Variants in SORCS3 observed in about 807,000 individuals in gnomAD.
The protein encoded by SORCS3 is VPS10 domain-containing receptor SorCS3.
In SORCS3, 57 loss-of-function variants were observed where a neutral mutation model predicts 146.3. The ratio of observed to expected loss-of-function variants is 0.39; its 90% CI spans 0.31 to 0.49. The LOEUF (loss-of-function observed/expected upper bound fraction) is 0.49, where lower values mean the gene tolerates loss of function less well. Among genes scored for constraint, SORCS3 ranks in the 20% least tolerant of loss-of-function variants. The pLI, the probability that SORCS3 is intolerant of heterozygous loss-of-function variation, is 0.92. For synonymous variants in SORCS3, 653 were observed against 618.5 expected, an observed-to-expected ratio of 1.06 and a Z score of -0.83; for missense variants, 1,341 against 1,575.5, an observed-to-expected ratio of 0.85 and a Z score of 2.52.
At chr10:104,848,884 C>T (rs1360661105) in intron 2 of SORCS3, among the ~76,000 whole-genome samples, 1 of 152,208 alleles carries the variant, frequency 6.6e-6, no homozygotes, top group Non-Finnish European at 1.5e-5. Flanking sequence ...TGGGAAACAA[C>T]AGCAGGCATA....
At chr10:105,044,693 T>G (rs990808798) in intron 5 of SORCS3, among the ~76,000 whole-genome samples, 6 of 151,956 alleles carry the variant, frequency 3.9e-5, no homozygotes, top group South Asian at 2.1e-4. Context: ...ACTGTTTTTT[T>G]TTTTGTTTTG....
intron 2 of SORCS3, among the ~76,000 whole-genome samples, chr10:104,908,002 CT>C (rs1337275728): frequency 6.6e-6 from 1 of 152,244 alleles, no homozygotes; most frequent in Non-Finnish European, 1.5e-5. Context: ...AACATTAATG[CT>C]TTTCCATCAC....
At chr10:105,070,978 T>C (rs1301185430) in intron 5 of SORCS3, among the ~76,000 whole-genome samples, 1 of 151,808 alleles carries the variant, frequency 6.6e-6, no homozygotes, top group Non-Finnish European at 1.5e-5. Flanking sequence ...GAAGCAAGTA[T>C]CCTGCTAGGG....
chr10:105,132,799 C>T (rs1431629201), intron 7 of SORCS3, among the ~76,000 whole-genome samples: 1 of 152,116 alleles, frequency 6.6e-6, no homozygotes, highest in Non-Finnish European at 1.5e-5. Flanking sequence ...AAAGACCCAG[C>T]TAATTCTGTG....
intron 9 of SORCS3, among the ~76,000 whole-genome samples, chr10:105,150,178 T>A (rs2864040): frequency 6.6e-6 from 1 of 152,010 alleles, no homozygotes; most frequent in Middle Eastern, 3.4e-3. Flanking sequence ...ATTTACCTGG[T>A]CAATGCTGGA....
intron 1 of SORCS3, among the ~76,000 whole-genome samples, chr10:104,809,589 A>C (rs747978949): frequency 1.3e-5 from 2 of 152,232 alleles, no homozygotes; most frequent in African/African-American, 4.8e-5. Flanking sequence ...TTGAAGCTCA[A>C]GTTACAACAG....
rs556120037 is a variant in SORCS3, at chr10:104,642,939, C to T, written c.627+985C>T. ...CCTGCCTGGCAGCTGCAGCGGCCCGCAGCGCGTGCCCGGAGGGGCTCCCCC... is the reference window on the plus strand; with the variant it reads ...CCTGCCTGGCAGCTGCAGCGGCCCGTAGCGCGTGCCCGGAGGGGCTCCCCC... On this transcript the variant is annotated intron_variant, in intron 1 of 26. Transcript: ENST00000369701. 6.6e-4 allele frequency among the ~76,000 whole-genome samples: 101 copies of T among 152,312 alleles called. 1 individual carries two copies. Among genetic ancestry groups the T allele is most frequent in the African/African-American group, 2.3e-3 (96 of 41,582 alleles).
intron 17 of SORCS3, among the ~76,000 whole-genome samples, chr10:105,211,583 A>C (rs573857177): frequency 6.6e-6 from 1 of 152,178 alleles, no homozygotes; most frequent in Admixed American, 6.5e-5. Flanking sequence ...TGATGTGCAG[A>C]TATTACACTA....
chr10:104,770,015 G>A (rs1469305167), intron 1 of SORCS3, among the ~76,000 whole-genome samples: 1 of 152,132 alleles, frequency 6.6e-6, no homozygotes, highest in Non-Finnish European at 1.5e-5. Flanking sequence ...GGGTATTCAT[G>A]TAGTCATCAA....
chr10:105,006,954 G>A (rs535468809), intron 4 of SORCS3, among the ~76,000 whole-genome samples: 1 of 152,292 alleles, frequency 6.6e-6, no homozygotes, highest in South Asian at 2.1e-4. Context: ...GCTCTAGGAA[G>A]GAAAAGACTT....
intron 5 of SORCS3, among the ~76,000 whole-genome samples, chr10:105,056,034 G>A (rs1048509532): frequency 3.9e-5 from 6 of 152,192 alleles, no homozygotes; most frequent in Non-Finnish European, 8.8e-5. Flanking sequence ...TGCTCAGAAG[G>A]TAAAGGTCTC....
chr10:105,157,712 C>T (rs1215218620), intron 10 of SORCS3, among the ~76,000 whole-genome samples: 2 of 152,172 alleles, frequency 1.3e-5, no homozygotes, highest in East Asian at 3.9e-4. Context: ...CCATATGGGA[C>T]AGTTAATCTA....
intron 13 of SORCS3, among the ~76,000 whole-genome samples, chr10:105,171,512 C>G (rs1437283800): frequency 1.3e-5 from 2 of 152,194 alleles, no homozygotes; most frequent in African/African-American, 2.4e-5. Flanking sequence ...TTCTTGGAAA[C>G]AGAAAGGAAA....
chr10:105,014,074 T>TATATATAC (rs1554868633), intron 4 of SORCS3, among the ~76,000 whole-genome samples: 5 of 99,760 alleles, frequency 5.0e-5, no homozygotes, highest in African/African-American at 1.8e-4. Flanking sequence ...TATACATATA[T>TATATATAC]ATATATATAC....
chr10:104,641,894 G>C lies in SORCS3; in HGVS notation c.567G>C (p.Ala189=), dbSNP rs570344961. 1.9e-5 allele frequency: 31 copies of C among 1,595,534 alleles called. No individual in the cohort carries two copies. The African/African-American group carries it at 4.0e-4, about 21-fold the overall frequency. The change falls in exon 1 of 27, where the codon GCG becomes GCC. Residue 189 remains alanine (A), a synonymous_variant. Transcript: ENST00000369701. This position sits in a 1 kb window ranked among gnomAD's most constrained non-coding sequence, Gnocchi z 6.4. ...EDLRLPSTSF[A]LTGDSAHNQA... ...TCCGGCTGCCCAGCACCTCCTTCGC[G>C]CTGACCGGGGACTCGGCCCACAACC...
At chr10:104,660,315 C>A (rs746428882) in intron 1 of SORCS3, among the ~76,000 whole-genome samples, 1 of 152,106 alleles carries the variant, frequency 6.6e-6, no homozygotes, top group Non-Finnish European at 1.5e-5. Context: ...TGCATCCTGC[C>A]GATCTGTGAG....
intron 7 of SORCS3, among the ~76,000 whole-genome samples, chr10:105,108,053 A>G (rs553395951): frequency 2.6e-4 from 35 of 132,558 alleles, no homozygotes; most frequent in African/African-American, 6.6e-4. Flanking sequence ...TCTTTTATCT[A>G]TCTACAAAAT....
intron 2 of SORCS3, 55 bp downstream of exon 2, chr10:104,842,914 C>A: frequency 2.9e-6 from 4 of 1,394,126 alleles, no homozygotes; most frequent in Non-Finnish European, 4.1e-6. Flanking sequence ...ACATGAGAAA[C>A]GCAAGCTAAG....
At chr10:104,888,342 G>C (rs1204969094) in intron 2 of SORCS3, among the ~76,000 whole-genome samples, 1 of 152,186 alleles carries the variant, frequency 6.6e-6, no homozygotes, top group Non-Finnish European at 1.5e-5. Flanking sequence ...AGACTCAAAT[G>C]CTGGCCGATC....
Sources: gnomAD v4.1 joint callset for allele counts (sites outside exome capture counted in the v4.1 genomes callset) on GRCh38, gnomAD v4.1.1 for gene constraint, Gnocchi (gnomAD v3.1) non-coding constraint, MANE v1.5 for transcripts, NCBI Gene and HGNC (gene_info 2026-07-23, HGNC 2026-07-21) for gene names.